OR10J1: variants seen among roughly 807,000 people sequenced by gnomAD.
OR10J1 encodes olfactory receptor family 10 subfamily J member 1.
For synonymous variants in OR10J1, 202 were observed against 143.8 expected (o/e 1.40, Z -2.89); for missense variants, 474 against 376.6 (o/e 1.26, Z -2.14).
At chr1:159,421,001 T>C in the OR10J1 span, among the ~76,000 whole-genome samples, 1 of 152,160 alleles carries the variant, frequency 6.6e-6, no homozygotes, top group African/African-American at 2.4e-5. Context: ...TCTAAACCTT[T>C]TGTTTTCTTC....
the OR10J1 span, among the ~76,000 whole-genome samples, chr1:159,402,559 G>A: frequency 6.6e-6 from 1 of 151,932 alleles, no homozygotes; most frequent in African/African-American, 2.4e-5. Flanking sequence ...AACCAAAGAA[G>A]TGAAAGATCT....
the OR10J1 span, among the ~76,000 whole-genome samples, chr1:159,412,004 T>A: frequency 7.9e-5 from 12 of 152,022 alleles, no homozygotes; most frequent in Non-Finnish European, 1.5e-4. Flanking sequence ...GGATAGAAAA[T>A]CAATGTACAA....
At chr1:159,400,107 A>C in the OR10J1 span, among the ~76,000 whole-genome samples, 1 of 152,128 alleles carries the variant, frequency 6.6e-6, no homozygotes. Context: ...TAATGAAAGA[A>C]AGAAGGAAGA....
At chr1:159,425,111 A>G in the OR10J1 span, among the ~76,000 whole-genome samples, 1 of 152,206 alleles carries the variant, frequency 6.6e-6, no homozygotes, top group Non-Finnish European at 1.5e-5. Flanking sequence ...AAAATAGATT[A>G]ATACATCCAA....
the OR10J1 span, among the ~76,000 whole-genome samples, chr1:159,402,756 C>A: frequency 6.6e-6 from 1 of 151,740 alleles, no homozygotes; most frequent in African/African-American, 2.4e-5. Flanking sequence ...AATAGAAAAA[C>A]CAATCATAAA....
chr1:159,435,986 T>C (rs1655726520), upstream of OR10J1, among the ~76,000 whole-genome samples: 1 of 152,192 alleles, frequency 6.6e-6, no homozygotes, highest in African/African-American at 2.4e-5. Flanking sequence ...GCTACTGACT[T>C]CGGAGGGTTA....
the OR10J1 span, chr1:159,432,560 GGGGTATGACCACTATGT>G: frequency 2.1e-6 from 1 of 472,296 alleles, no homozygotes; most frequent in Admixed American, 3.2e-5. Context: ...TCACAGCCAT[GGGGTATGACCACTATGT>G]GGCCATCTGC....
the OR10J1 span, among the ~76,000 whole-genome samples, chr1:159,410,330 G>C: frequency 1.3e-5 from 2 of 152,070 alleles, no homozygotes; most frequent in African/African-American, 4.8e-5. Flanking sequence ...TCTGGTCCTG[G>C]ACTCTTTTTG....
At chr1:159,411,521 C>G in the OR10J1 span, among the ~76,000 whole-genome samples, 1 of 151,968 alleles carries the variant, frequency 6.6e-6, no homozygotes, top group Admixed American at 6.6e-5. Context: ...GGATTGCAAC[C>G]CGTGCCTTTT....
At chr1:159,403,146 C>T in the OR10J1 span, among the ~76,000 whole-genome samples, 1 of 152,240 alleles carries the variant, frequency 6.6e-6, no homozygotes, top group East Asian at 1.9e-4. Flanking sequence ...GGGCCTCAAA[C>T]CATGAAACTG....
At chr1:159,403,849 T>C in the OR10J1 span, among the ~76,000 whole-genome samples, 2 of 152,124 alleles carry the variant, frequency 1.3e-5, no homozygotes, top group Non-Finnish European at 2.9e-5. Context: ...TAGCTAAGAT[T>C]TGGAAGCAAC....
the OR10J1 span, among the ~76,000 whole-genome samples, chr1:159,428,740 T>C: frequency 6.6e-6 from 1 of 152,144 alleles, no homozygotes; most frequent in African/African-American, 2.4e-5. Context: ...CCAGTTTCTG[T>C]TGGGTAAATG....
the OR10J1 span, among the ~76,000 whole-genome samples, chr1:159,413,547 G>T: frequency 0.28 from 43,031 of 151,838 alleles, 6,314 homozygotes; most frequent in Admixed American, 0.36. Flanking sequence ...CAGGGACATG[G>T]ATGAAATGGG....
At chr1:159,406,944 G>C in the OR10J1 span, among the ~76,000 whole-genome samples, 4 of 152,140 alleles carry the variant, frequency 2.6e-5, no homozygotes, top group Admixed American at 6.6e-5. Context: ...TGCAAGGCCA[G>C]GCTGTGGGCG....
chr1:159,432,394 T>C, the OR10J1 span: 2 of 403,298 alleles, frequency 5.0e-6, no homozygotes, highest in Non-Finnish European at 8.8e-6. Flanking sequence ...TATTTCTTCC[T>C]GAGTGTGCTG....
chr1:159,428,118 G>A, the OR10J1 span, among the ~76,000 whole-genome samples: 45 of 151,792 alleles, frequency 3.0e-4, no homozygotes, highest in South Asian at 2.3e-3. Flanking sequence ...TTTAAAGTCC[G>A]AAAAAAAGAC....
chr1:159,427,742 C>CT, the OR10J1 span, among the ~76,000 whole-genome samples: 73 of 152,050 alleles, frequency 4.8e-4, no homozygotes, highest in African/African-American at 1.7e-3. Flanking sequence ...AAAGAGGCTG[C>CT]TAATTGCAAA....
the OR10J1 span, among the ~76,000 whole-genome samples, chr1:159,415,076 T>C: frequency 7.9e-4 from 120 of 152,082 alleles, 2 homozygotes; most frequent in Non-Finnish European, 2.2e-4. Context: ...TTTAGTTTAA[T>C]AGAGTTCAAT....
the OR10J1 span, among the ~76,000 whole-genome samples, chr1:159,419,287 A>G: frequency 2.0e-5 from 3 of 152,152 alleles, no homozygotes; most frequent in Non-Finnish European, 4.4e-5. Flanking sequence ...AGCTTAAATT[A>G]TAGCTCCCAT....
Sources: gnomAD v4.1 joint callset for allele counts (sites outside exome capture counted in the v4.1 genomes callset) on GRCh38, gnomAD v4.1.1 for gene constraint, MANE v1.5 for transcripts, NCBI Gene and HGNC (gene_info 2026-07-23, HGNC 2026-07-21) for gene names.